AGBL1: variants seen among roughly 807,000 people sequenced by gnomAD.
The protein encoded by AGBL1 is cytosolic carboxypeptidase 4.
A neutral mutation model predicts 118.9 loss-of-function variants in AGBL1; 130 were observed. The ratio of observed to expected loss-of-function variants is 1.09; its 90% CI spans 0.95 to 1.26. The LOEUF (loss-of-function observed/expected upper bound fraction) is 1.26, where lower values mean the gene tolerates loss of function less well. AGBL1 is among the 50% of genes most tolerant of loss of function. The pLI, the probability that AGBL1 is intolerant of heterozygous loss-of-function variation, is 0.00. For synonymous variants in AGBL1, 555 were observed against 478.9 expected (o/e 1.16, Z -2.08); for missense variants, 1,584 against 1,298.1 (o/e 1.22, Z -3.38).
At chr15:86,757,328 A>G (rs1398825342) in intron 22 of AGBL1, among the ~76,000 whole-genome samples, 1 of 152,224 alleles carries the variant, frequency 6.6e-6, no homozygotes, top group African/African-American at 2.4e-5. Context: ...TACAGGTAGG[A>G]TGAGTGGGTA....
intron 19 of AGBL1, among the ~76,000 whole-genome samples, chr15:86,537,515 G>C (rs1009828620): frequency 6.6e-6 from 1 of 152,222 alleles, no homozygotes; most frequent in Non-Finnish European, 1.5e-5. Context: ...CACTGCATAA[G>C]TGCCTTCTCA....
Position 86,247,845 on chromosome 15 carries a change from C to A in AGBL1, c.701C>A (p.Ala234Glu). 2 of 1,613,950 alleles carry A rather than the reference C, an allele frequency of 1.2e-6. No homozygotes were observed. The highest frequency in any genetic ancestry group is 1.7e-6 in the Non-Finnish European group (2 of 1,179,896). Residue 234 changes from alanine to glutamate, a missense_variant, in exon 7 of 23, where the codon GCA becomes GAA. By Grantham distance (107) the Ala-to-Glu change is moderately radical (BLOSUM62 -1). Transcript: ENST00000614907. ...LRSGREAFLA[A>E]QGMEILFSTT... is the part of the protein sequence containing the mutation. ...TCCGGCAGGGAGGCCTTCCTGGCAG[C>A]ACAGGGCATGGAGATCCTCTTCAGC...
At position 86,908,094 on chromosome 15, in the gene AGBL1, C is replaced by G. The variant is rs1463976860; in HGVS notation, c.*800C>G. On this transcript the variant is annotated 3_prime_UTR_variant, in exon 23 of 23. Transcript: ENST00000614907. ...CAGTTGCTTGTTATGACAATTTAGG[C>G]AAGTAATTAAATTTTCCTAAACTTC... The G allele has an allele frequency of 6.6e-6, 1 of 151,930 alleles. No individual in the cohort carries two copies. The highest frequency in any genetic ancestry group is 6.6e-5 in the Admixed American group (1 of 15,256). The allele number at this position is 151,930 out of a possible 1,614,324, so 9.4% of individuals were successfully genotyped here.
At chr15:86,838,941 T>TAAAAAAAAAAAAAAAAAAA (rs386383698) in intron 22 of AGBL1, among the ~76,000 whole-genome samples, 1 of 48,006 alleles carries the variant, frequency 2.1e-5, no homozygotes, top group Non-Finnish European at 3.4e-5. Flanking sequence ...TGAGATCCTG[T>TAAAAAAAAAAAAAAAAAAA]AAAAAAAAAA....
chr15:86,359,872 T>C (rs1003575388), intron 17 of AGBL1, among the ~76,000 whole-genome samples: 1 of 151,990 alleles, frequency 6.6e-6, no homozygotes, highest in African/African-American at 2.4e-5. Flanking sequence ...TTTTTTTGTG[T>C]AGAGAAGTGT....
intron 17 of AGBL1, among the ~76,000 whole-genome samples, chr15:86,330,216 A>T (rs929954825): frequency 6.6e-6 from 1 of 152,230 alleles, no homozygotes; most frequent in Admixed American, 6.5e-5. Flanking sequence ...AACTTTTGCC[A>T]GTAAACAAGG....
intron 18 of AGBL1, among the ~76,000 whole-genome samples, chr15:86,427,577 C>A (rs909470897): frequency 6.6e-6 from 1 of 151,394 alleles, no homozygotes; most frequent in Non-Finnish European, 1.5e-5. Context: ...AAAAGGACAC[C>A]TATTGGCATT....
At chr15:86,239,552 G>C (rs182982347) in intron 6 of AGBL1, among the ~76,000 whole-genome samples, 1 of 143,476 alleles carries the variant, frequency 7.0e-6, no homozygotes, top group Non-Finnish European at 1.6e-5. Context: ...GCCTGACATT[G>C]CTGGGCCGGC....
At chr15:86,858,795 A>G (rs1286140808) in intron 22 of AGBL1, among the ~76,000 whole-genome samples, 3 of 152,126 alleles carry the variant, frequency 2.0e-5, no homozygotes, top group Non-Finnish European at 4.4e-5. Context: ...GTGTACTTGT[A>G]TGTGAATTAA....
At chr15:86,270,735 C>G (rs543241246) in intron 14 of AGBL1, among the ~76,000 whole-genome samples, 36 of 152,248 alleles carry the variant, frequency 2.4e-4, no homozygotes, top group African/African-American at 8.4e-4. Context: ...AAATATGAAC[C>G]TTGACATTTA....
At chr15:86,476,164 T>C (rs2082555901) in intron 18 of AGBL1, among the ~76,000 whole-genome samples, 1 of 152,172 alleles carries the variant, frequency 6.6e-6, no homozygotes, top group Admixed American at 6.5e-5. Context: ...AGGAAGAAAC[T>C]GCATCAACTA....
At chr15:86,179,408 G>A (rs954816101) in intron 5 of AGBL1, among the ~76,000 whole-genome samples, 1 of 152,102 alleles carries the variant, frequency 6.6e-6, no homozygotes, top group Non-Finnish European at 1.5e-5. Flanking sequence ...AGTTTAACAC[G>A]TGTAGAAATC....
intron 22 of AGBL1, among the ~76,000 whole-genome samples, chr15:86,721,943 T>C (rs1018329631): frequency 1.3e-5 from 2 of 152,060 alleles, no homozygotes; most frequent in African/African-American, 2.4e-5. Flanking sequence ...GGAATCCAAC[T>C]TACAAGGGAT....
At chr15:86,704,859 A>G (rs544982764) in intron 22 of AGBL1, among the ~76,000 whole-genome samples, 4 of 152,362 alleles carry the variant, frequency 2.6e-5, no homozygotes, top group African/African-American at 9.6e-5. Context: ...ACTATTTACA[A>G]TAGCAAAGAC....
At chr15:86,290,113 A>G (rs2079520151) in intron 16 of AGBL1, among the ~76,000 whole-genome samples, 1 of 152,106 alleles carries the variant, frequency 6.6e-6, no homozygotes, top group Non-Finnish European at 1.5e-5. Flanking sequence ...TCCCTTGTAC[A>G]TCTCTTTTTA....
intron 10 of AGBL1, 67 bp downstream of exon 10, chr15:86,262,961 C>T: frequency 1.7e-6 from 2 of 1,189,130 alleles, no homozygotes; most frequent in Non-Finnish European, 2.4e-6. Flanking sequence ...TCCTGGGAGG[C>T]CAAACCAGGG....
intron 1 of AGBL1, among the ~76,000 whole-genome samples, chr15:86,127,165 C>A (rs905802200): frequency 6.6e-6 from 1 of 152,146 alleles, no homozygotes; most frequent in South Asian, 2.1e-4. Context: ...TTGACCTTAG[C>A]TGTTGATGAT....
chr15:86,832,098 G>A (rs1459334155), intron 22 of AGBL1, among the ~76,000 whole-genome samples: 1 of 152,214 alleles, frequency 6.6e-6, no homozygotes. Context: ...GGGATGCAGA[G>A]CACTAAGTCC....
chr15:86,494,930 C>A (rs758665018), intron 18 of AGBL1, among the ~76,000 whole-genome samples: 2 of 143,454 alleles, frequency 1.4e-5, no homozygotes, highest in Non-Finnish European at 3.1e-5. Flanking sequence ...AACATTTTTA[C>A]GTATTTGCTT....
Sources: allele counts gnomAD v4.1 joint callset (sites outside exome capture counted in the v4.1 genomes callset), GRCh38; gene constraint gnomAD v4.1.1; transcripts MANE v1.5; gene names NCBI Gene and HGNC (gene_info 2026-07-23, HGNC 2026-07-21).